Variants in SLC25A30 observed in about 807,000 individuals in gnomAD.
The protein encoded by SLC25A30 is kidney mitochondrial carrier protein 1.
SLC25A30 carries 29 observed loss-of-function variants against 42.7 expected under a neutral mutation model. The observed-to-expected ratio is 0.68, with a 90% CI of 0.51 to 0.93. The LOEUF (loss-of-function observed/expected upper bound fraction) is 0.93. SLC25A30 is among the 40% of genes least tolerant of loss of function. The probability of loss-of-function intolerance (pLI) is 0.00; values close to 1 mark genes in which losing one functional copy is unlikely to be tolerated. For missense variants in SLC25A30, 300 were observed against 359.7 expected, an observed-to-expected ratio of 0.83 and a Z score of 1.34; for synonymous variants, 124 against 131.0, an observed-to-expected ratio of 0.95 and a Z score of 0.37.
intron 1 of SLC25A30, chr13:45,412,080 T>C (rs1426698082): frequency 6.6e-6 from 1 of 152,296 alleles, no homozygotes; most frequent in South Asian, 2.1e-4. Flanking sequence ...ACTTGTGTCA[T>C]AAGGTAAAAT....
At chr13:45,419,823 G>A (rs1241110973), upstream of SLC25A30, among the ~76,000 whole-genome samples, 3 of 151,792 alleles carry the variant, frequency 2.0e-5, no homozygotes, top group East Asian at 2.0e-4. Flanking sequence ...CCAGCTACTC[G>A]GGAGGCTGAG....
chr13:45,417,504 A>G (rs1883635939), intron 1 of SLC25A30, among the ~76,000 whole-genome samples: 1 of 152,176 alleles, frequency 6.6e-6, no homozygotes, highest in African/African-American at 2.4e-5. Flanking sequence ...TTAAAGGTGC[A>G]GAAGGAAAAC....
intron 7 of SLC25A30, 112 bp from the exon 8 acceptor site, chr13:45,399,190 G>A: frequency 8.6e-7 from 1 of 1,165,744 alleles, no homozygotes; most frequent in Non-Finnish European, 1.2e-6. Context: ...CTTGTTTGTG[G>A]TTTTCGTGTT....
the SLC25A30 span, among the ~76,000 whole-genome samples, chr13:45,424,133 A>C: frequency 1.0e-5 from 1 of 99,350 alleles, no homozygotes; most frequent in Non-Finnish European, 1.7e-5. Flanking sequence ...ATAAATATAT[A>C]AATATATAAA....
Position 45,394,616 on chromosome 13 carries a change from GAA to G in SLC25A30, c.*1356_*1357del. On this transcript the variant is annotated 3_prime_UTR_variant, in exon 10 of 10. Transcript: ENST00000519676. ...GGTTCTCACAGTCATCTTTTATTTT[GAA>G]AAGACTAAGATGAAGACAAGAAGGA... The G allele has an allele frequency of 1.0e-6, 1 of 985,272 alleles. No individual in the cohort carries two copies. Among genetic ancestry groups the G allele is most frequent in the Non-Finnish European group, 1.2e-6 (1 of 829,902 alleles). The allele number at this position is 985,272 out of a possible 1,614,324, so 61.0% of individuals were successfully genotyped here.
chr13:45,400,701 T>A (rs1363443795), intron 7 of SLC25A30, among the ~76,000 whole-genome samples: 2 of 152,088 alleles, frequency 1.3e-5, no homozygotes, highest in Non-Finnish European at 2.9e-5. Flanking sequence ...CTCATTTTGT[T>A]GCCCAAGCTG....
At chr13:45,406,088 A>ATT (rs34513916) in intron 3 of SLC25A30, 111 bp from the exon 4 acceptor site, 12,449 of 719,160 alleles carry the variant, frequency 0.017, no homozygotes, top group Non-Finnish European at 0.022. Context: ...CTCTAAAACA[A>ATT]TTTTTTTTTT....
At chr13:45,404,472 C>T in intron 4 of SLC25A30, 60 bp from the exon 5 acceptor site, 2 of 1,176,462 alleles carry the variant, frequency 1.7e-6, no homozygotes, top group South Asian at 1.2e-5. Context: ...GTGAGAAACT[C>T]AACTATAGGT....
the SLC25A30 span, among the ~76,000 whole-genome samples, chr13:45,427,191 TGAA>T: frequency 6.6e-6 from 1 of 152,108 alleles, no homozygotes; most frequent in Non-Finnish European, 1.5e-5. Context: ...CATGCTGAAC[TGAA>T]GAAGAGGCCA....
intron 7 of SLC25A30, among the ~76,000 whole-genome samples, chr13:45,399,398 G>A (rs1354760654): frequency 4.6e-5 from 7 of 152,040 alleles, no homozygotes; most frequent in Admixed American, 2.0e-4. Flanking sequence ...TATTAGAGAC[G>A]GGGTTTCGCC....
chr13:45,424,794 A>C, the SLC25A30 span, among the ~76,000 whole-genome samples: 7 of 64,882 alleles, frequency 1.1e-4, 1 homozygote, highest in African/African-American at 3.5e-4. Context: ...ATATAAAAGA[A>C]TATAAATATA....
Position 45,417,621 on chromosome 13 carries a change from G to A in SLC25A30, c.-56+679C>T, listed in dbSNP as rs188025785. 2.6e-3 allele frequency among the ~76,000 whole-genome samples: 389 copies of A among 152,244 alleles called. 2 individuals carry two copies. Among genetic ancestry groups the A allele is most frequent in the African/African-American group, 8.8e-3 (364 of 41,536 alleles). ...GCCCGCGGTCACAAAGCTTCGCAAC[G>A]GCAAAGCCAAAAGCAAGATTCATGC... On this transcript the variant is annotated intron_variant, in intron 1 of 9. Transcript: ENST00000519676.
At chr13:45,410,470 A>T (rs1882910480) in intron 2 of SLC25A30, among the ~76,000 whole-genome samples, 1 of 152,190 alleles carries the variant, frequency 6.6e-6, no homozygotes, top group African/African-American at 2.4e-5. Context: ...AGTCGAGACC[A>T]GCCTGGGCAA....
chr13:45,406,897 T>A (rs1417975521), intron 3 of SLC25A30, among the ~76,000 whole-genome samples: 1 of 152,190 alleles, frequency 6.6e-6, no homozygotes, highest in East Asian at 1.9e-4. Flanking sequence ...CAGAAATCTA[T>A]CCTATGCTTC....
chr13:45,427,242 A>G, the SLC25A30 span, among the ~76,000 whole-genome samples: 1 of 152,054 alleles, frequency 6.6e-6, no homozygotes, highest in Non-Finnish European at 1.5e-5. Flanking sequence ...CTGTCTCTCA[A>G]TCCTCTGTCT....
At chr13:45,416,362 C>A (rs1005028731) in intron 1 of SLC25A30, among the ~76,000 whole-genome samples, 2 of 151,548 alleles carry the variant, frequency 1.3e-5, no homozygotes, top group African/African-American at 4.9e-5. Flanking sequence ...AAGCTGAGAC[C>A]GCACCACTGC....
Position 45,394,168 on chromosome 13 carries a change from C to G in SLC25A30, c.*1806G>C. ...GAATGAGCTCTGGGGTCCTCTGCTG[C>G]CCTCTAGGGTTGCCCAGGGAGAGCT... is the stretch of plus-strand genomic sequence containing the variant. On this transcript the variant is annotated 3_prime_UTR_variant, in exon 10 of 10. Transcript: ENST00000519676. The G allele has an allele frequency of 1.0e-6, 1 of 985,272 alleles. No homozygotes were observed. The highest frequency in any genetic ancestry group is 1.2e-6 in the Non-Finnish European group (1 of 829,922). The allele number at this position is 985,272 out of a possible 1,614,324, so 61.0% of individuals were successfully genotyped here.
rs761725121 is a variant in SLC25A30, at chr13:45,394,980, T to C, written c.*994A>G. ...GCCTGAACTTATACAGTGTTCTTTC[T>C]TCAACAAGACCTTAACAAAGGGCTT... On this transcript the variant is annotated 3_prime_UTR_variant, in exon 10 of 10. Transcript: ENST00000519676. 9.3e-4 allele frequency: 921 copies of C among 985,460 alleles called. No homozygotes were observed. The highest frequency in any genetic ancestry group is 3.7e-3 in the Middle Eastern group (7 of 1,914). The allele number at this position is 985,460 out of a possible 1,614,324, so 61.0% of individuals were successfully genotyped here.
the SLC25A30 span, among the ~76,000 whole-genome samples, chr13:45,432,162 C>T: frequency 9.3e-5 from 14 of 150,884 alleles, no homozygotes; most frequent in Middle Eastern, 3.4e-3. Context: ...CCCAGGTACT[C>T]GGGAGGCTGA....
Sources: gnomAD v4.1 joint callset for allele counts (sites outside exome capture counted in the v4.1 genomes callset) on GRCh38, gnomAD v4.1.1 for gene constraint, MANE v1.5 for transcripts, NCBI Gene and HGNC (gene_info 2026-07-23, HGNC 2026-07-21) for gene names.